ZNF521: variants seen among roughly 807,000 people sequenced by gnomAD.
The protein encoded by ZNF521 is zinc finger protein 521.
ZNF521 carries 14 observed loss-of-function variants against 105.5 expected under a neutral mutation model. That is an observed-to-expected ratio of 0.13 (90% CI 0.09 to 0.21). The LOEUF (loss-of-function observed/expected upper bound fraction) is 0.21. ZNF521 is among the 10% of genes least tolerant of loss of function. The probability of loss-of-function intolerance (pLI) is 1.00; values close to 1 mark genes in which losing one functional copy is unlikely to be tolerated. For missense variants in ZNF521, 1,233 were observed against 1,629.7 expected, an observed-to-expected ratio of 0.76 and a Z score of 4.19; for synonymous variants, 635 against 606.0, an observed-to-expected ratio of 1.05 and a Z score of -0.70.
intron 2 of ZNF521, among the ~76,000 whole-genome samples, chr18:25,345,511 A>G (rs1914422387): frequency 6.6e-6 from 1 of 152,176 alleles, no homozygotes; most frequent in Non-Finnish European, 1.5e-5. Flanking sequence ...CAATCCACTC[A>G]TGCATAAAAC....
chr18:25,101,297 C>G (rs539621338), intron 5 of ZNF521, among the ~76,000 whole-genome samples: 2 of 152,138 alleles, frequency 1.3e-5, no homozygotes, highest in African/African-American at 4.8e-5. Context: ...TATAGGGGTT[C>G]CACATATACT....
Position 25,225,131 on chromosome 18 carries a change from A to G in ZNF521, c.2787T>C (p.Asn929=). 6.2e-7 allele frequency: 1 copy of G among 1,614,034 alleles called. No individual in the cohort carries two copies. The highest frequency in any genetic ancestry group is 8.5e-7 in the Non-Finnish European group (1 of 1,179,994). ...TTCGAGAGCACACGTTGCACTTGTA[A>G]TTCCCTTTAATGAGCTCAGCTTTCT... The part of the protein sequence containing the change: ...VKKKAELIKG[N]YKCNVCSRTF... The change falls in exon 4 of 8, where the codon AAT becomes AAC. Residue 929 remains asparagine, a synonymous_variant. Transcript: ENST00000361524. The surrounding 1 kb of genome is among the most constrained non-coding windows in gnomAD (Gnocchi z 5.6).
At position 25,094,596 on chromosome 18, in the gene ZNF521, T is replaced by A. The variant is rs146769765; in HGVS notation, c.3659-2515A>T. ...CACGTTATAATGTTAAAAAAAAAGT[T>A]GGAAGTTCTACCTGCCTTTTATTTT... On this transcript the variant is annotated intron_variant, in intron 5 of 7. Coordinates refer to ENST00000361524, the MANE Select transcript of ZNF521 (RefSeq NM_015461.3). Among the ~76,000 whole-genome samples, 28 of 152,302 alleles carry A rather than the reference T, an allele frequency of 1.8e-4. No homozygotes were observed. In the East Asian group the frequency reaches 3.5e-3, roughly 19 times the overall value.
intron 5 of ZNF521, among the ~76,000 whole-genome samples, chr18:25,188,495 C>T (rs530331574): frequency 2.0e-4 from 31 of 152,170 alleles, no homozygotes; most frequent in Non-Finnish European, 4.0e-4. Flanking sequence ...GCAAGCATGA[C>T]TGTGCAGGGA....
At chr18:25,174,312 T>C (rs1286516040) in intron 5 of ZNF521, among the ~76,000 whole-genome samples, 1 of 152,134 alleles carries the variant, frequency 6.6e-6, no homozygotes, top group Non-Finnish European at 1.5e-5. Flanking sequence ...TTTTTAGATC[T>C]CTCCACCCTG....
chr18:25,294,853 CAAAAAAAAAAA>C (rs34529787), intron 3 of ZNF521, among the ~76,000 whole-genome samples: 46 of 59,526 alleles, frequency 7.7e-4, no homozygotes, highest in Admixed American at 2.4e-3. Flanking sequence ...GATTCTGTCT[CAAAAAAAAAAA>C]AAAAAAAAAA....
At chr18:25,195,501 C>T (rs898038702) in intron 4 of ZNF521, among the ~76,000 whole-genome samples, 2 of 151,396 alleles carry the variant, frequency 1.3e-5, no homozygotes, top group African/African-American at 4.8e-5. Flanking sequence ...TTAAAGATCC[C>T]TAAACTCAAA....
At chr18:25,157,460 T>C (rs1332314094) in intron 5 of ZNF521, among the ~76,000 whole-genome samples, 1 of 152,202 alleles carries the variant, frequency 6.6e-6, no homozygotes, top group African/African-American at 2.4e-5. Context: ...TTTTACTTTC[T>C]TACTCACAGA....
intron 4 of ZNF521, among the ~76,000 whole-genome samples, chr18:25,219,063 C>T (rs1905525628): frequency 6.6e-6 from 1 of 152,136 alleles, no homozygotes; most frequent in Non-Finnish European, 1.5e-5. Context: ...TTTTTCTCTT[C>T]CTTATGACTT....
At chr18:25,230,790 G>C (rs748827232) in intron 3 of ZNF521, among the ~76,000 whole-genome samples, 1 of 152,028 alleles carries the variant, frequency 6.6e-6, no homozygotes. Flanking sequence ...CTGACTCTCC[G>C]AGAGCTGTAG....
intron 3 of ZNF521, among the ~76,000 whole-genome samples, chr18:25,230,310 T>C (rs751357596): frequency 6.6e-6 from 1 of 152,198 alleles, no homozygotes; most frequent in African/African-American, 2.4e-5. Context: ...TTTTAAAATA[T>C]AAAATGTAAA....
chr18:25,128,652 C>T (rs537763030), intron 5 of ZNF521, among the ~76,000 whole-genome samples: 1 of 152,020 alleles, frequency 6.6e-6, no homozygotes, highest in East Asian at 1.9e-4. Context: ...TGCAGTCTTA[C>T]ATACAAGCAA....
rs192800950 is a variant in ZNF521 at position 25,303,487 on chromosome 18, G to T, written c.220+18521C>A. Among the ~76,000 whole-genome samples, 21 of 151,976 alleles carry T rather than the reference G, an allele frequency of 1.4e-4. 1 individual carries two copies. Among genetic ancestry groups the T allele is most frequent in the Middle Eastern group, 3.4e-3 (1 of 294 alleles). On this transcript the variant is annotated intron_variant, in intron 3 of 7. Transcript: ENST00000361524. ...TAATTTTTGTAGTTTTAGTAGAGACGGGGTTTCACTATGTTGGCCAGGCTG... is the reference window on the plus strand; with the variant it reads ...TAATTTTTGTAGTTTTAGTAGAGACTGGGTTTCACTATGTTGGCCAGGCTG...
At chr18:25,115,129 T>G (rs2034277156) in intron 5 of ZNF521, among the ~76,000 whole-genome samples, 1 of 152,172 alleles carries the variant, frequency 6.6e-6, no homozygotes, top group Admixed American at 6.6e-5. Flanking sequence ...ACTGGAAATC[T>G]ATAGTCTGGG....
chr18:25,337,464 C>T (rs1342032229), intron 2 of ZNF521, among the ~76,000 whole-genome samples: 1 of 152,046 alleles, frequency 6.6e-6, no homozygotes, highest in Non-Finnish European at 1.5e-5. Flanking sequence ...AGATAAAAAA[C>T]CCAAGGAAAT....
chr18:25,319,552 C>T (rs1204856597), intron 3 of ZNF521, among the ~76,000 whole-genome samples: 6 of 150,262 alleles, frequency 4.0e-5, no homozygotes, highest in East Asian at 3.9e-4. Context: ...GCAGAGATCA[C>T]GCCACTGCAC....
chr18:25,222,126 T>C (rs1905763850), intron 4 of ZNF521, among the ~76,000 whole-genome samples: 1 of 152,118 alleles, frequency 6.6e-6, no homozygotes, highest in African/African-American at 2.4e-5. Context: ...ATTAATCAGG[T>C]TTCATAGGGA....
At chr18:25,185,855 A>C (rs2035712734) in intron 5 of ZNF521, among the ~76,000 whole-genome samples, 2 of 152,192 alleles carry the variant, frequency 1.3e-5, no homozygotes, top group Admixed American at 1.3e-4. Context: ...AGGGATCCCA[A>C]ATTAATCTGG....
chr18:25,247,359 CAGG>C (rs1270605851), intron 3 of ZNF521, among the ~76,000 whole-genome samples: 1 of 152,082 alleles, frequency 6.6e-6, no homozygotes, highest in Non-Finnish European at 1.5e-5. Flanking sequence ...AAAGAATAAG[CAGG>C]AGTTTTCCAG....
Sources: allele counts gnomAD v4.1 joint callset (sites outside exome capture counted in the v4.1 genomes callset), GRCh38; gene constraint gnomAD v4.1.1; non-coding constraint Gnocchi (gnomAD v3.1); transcripts MANE v1.5; gene names NCBI Gene and HGNC (gene_info 2026-07-23, HGNC 2026-07-21).